The following CAMK2B variants were observed in gnomAD, a reference collection of about 807,000 sequenced individuals.
The protein encoded by CAMK2B is calcium/calmodulin-dependent protein kinase type II subunit beta.
A neutral mutation model predicts 93.7 loss-of-function variants in CAMK2B; 27 were observed. The observed-to-expected ratio is 0.29, with a 90% CI of 0.21 to 0.40. The LOEUF (loss-of-function observed/expected upper bound fraction) is 0.40. CAMK2B is among the 10% of genes least tolerant of loss of function. The probability of loss-of-function intolerance (pLI) is 1.00; values close to 1 mark genes in which losing one functional copy is unlikely to be tolerated. For synonymous variants in CAMK2B, 374 were observed against 358.8 expected (o/e 1.04, Z -0.48); for missense variants, 568 against 895.8 (o/e 0.63, Z 4.67).
At chr7:44,324,256 TCGCCAGCAC>T (rs1796894465) in intron 1 of CAMK2B, among the ~76,000 whole-genome samples, 1 of 152,240 alleles carries the variant, frequency 6.6e-6, no homozygotes, top group Non-Finnish European at 1.5e-5. Flanking sequence ...AGAGGAAATC[TCGCCAGCAC>T]CGCCAGCGCC....
At chr7:44,222,110 C>T (rs937359306) in intron 20 of CAMK2B, among the ~76,000 whole-genome samples, 1 of 152,184 alleles carries the variant, frequency 6.6e-6, no homozygotes, top group Non-Finnish European at 1.5e-5. Context: ...TGCACACGCA[C>T]GCTCACCTAT....
Position 44,312,370 on chromosome 7 carries a change from G to A in CAMK2B, c.65+12987C>T, listed in dbSNP as rs754497321. On this transcript the variant is annotated intron_variant, in intron 1 of 23. Transcript: ENST00000395749. The surrounding 1 kb of genome is among the most constrained non-coding windows in gnomAD (Gnocchi z 4.1). ...CTCAGGGGCTGCAAAGCCCCAGAAC[G>A]GCCTTCAGAGCTAGGGACAAGCCAC... 6.6e-6 allele frequency among the ~76,000 whole-genome samples: 1 copy of A among 152,220 alleles called. No individual in the cohort carries two copies.
chr7:44,278,267 G>T (rs1336847550), intron 2 of CAMK2B, among the ~76,000 whole-genome samples: 3 of 152,202 alleles, frequency 2.0e-5, no homozygotes, highest in African/African-American at 7.2e-5. Context: ...GACGCAGAGG[G>T]TCTGGCCAGG....
chr7:44,277,606 C>T (rs912112705), intron 2 of CAMK2B, among the ~76,000 whole-genome samples: 2 of 152,174 alleles, frequency 1.3e-5, no homozygotes, highest in African/African-American at 4.8e-5. Context: ...AAGGAGTGAG[C>T]GAGGCCCCTC....
rs1326405536 is a variant in CAMK2B at position 44,232,812 on chromosome 7, G to A, written c.1176+10C>T. The A allele has an allele frequency of 1.9e-6, 3 of 1,613,706 alleles. No individual in the cohort carries two copies. The African/African-American group carries it at 4.0e-5, about 22-fold the overall frequency. On this transcript the variant is annotated intron_variant, in intron 16 of 23. Coordinates refer to ENST00000395749, the MANE Select transcript of CAMK2B (RefSeq NM_001220.5). Reference sequence around the variant, plus strand: ...CTGGGGAAAGCGGGAGGAGGAAAGTGGGGCAGTACCTTAATCCCGTCCACT... The same window carrying A: ...CTGGGGAAAGCGGGAGGAGGAAAGTAGGGCAGTACCTTAATCCCGTCCACT...
intron 2 of CAMK2B, among the ~76,000 whole-genome samples, chr7:44,266,381 C>T (rs187813931): frequency 2.6e-5 from 4 of 152,322 alleles, no homozygotes; most frequent in African/African-American, 9.6e-5. Context: ...CACATTAACA[C>T]CGTAAACCCC....
rs149059759 is a variant in CAMK2B, at chr7:44,289,513, G to A, written c.66-5288C>T. 5.9e-5 allele frequency among the ~76,000 whole-genome samples: 9 copies of A among 152,308 alleles called. No individual in the cohort carries two copies. In the East Asian group the frequency reaches 7.7e-4, roughly 13 times the overall value. On this transcript the variant is annotated intron_variant, in intron 1 of 23. Transcript: ENST00000395749. ...TAAGACACTTGGTAACGACACCAGG[G>A]AGGGAAGGTCGGACCCTGCGTCCCC...
chr7:44,262,423 C>T (rs1167531732), intron 3 of CAMK2B, among the ~76,000 whole-genome samples: 1 of 152,240 alleles, frequency 6.6e-6, no homozygotes, highest in Admixed American at 6.5e-5. Flanking sequence ...TCACCTGACC[C>T]CAGACTGTAG....
chr7:44,244,795 G>A, intron 6 of CAMK2B: 1 of 342,546 alleles, frequency 2.9e-6, no homozygotes, highest in Non-Finnish European at 5.9e-6. Flanking sequence ...TTCCTCGAAA[G>A]CTCCAGCCAC....
At chr7:44,250,771 G>A (rs903053445) in intron 5 of CAMK2B, among the ~76,000 whole-genome samples, 5 of 152,242 alleles carry the variant, frequency 3.3e-5, no homozygotes, top group Middle Eastern at 3.4e-3. Flanking sequence ...CTTGTGATCC[G>A]CCCGCCTCGG....
intron 18 of CAMK2B, 107 bp from the exon 19 acceptor site, chr7:44,229,031 C>T (rs896767653): frequency 5.5e-6 from 6 of 1,085,612 alleles, no homozygotes; most frequent in African/African-American, 1.5e-5. Context: ...ACCCCTTGGG[C>T]CCTGGGATCA....
In CAMK2B at chr7:44,220,139, C is replaced by A. The variant is rs994631293; in HGVS notation, c.1924G>T (p.Val642Leu). The part of the protein sequence containing the change: ...PRTSQSEETR[V>L]WHRRDGKWQN... ...CACTTGCCGTCGCGGCGGTGCCACACGCGGGTCTCCTCAGACTGGCTGGTG... is the reference window on the plus strand; with the variant it reads ...CACTTGCCGTCGCGGCGGTGCCACAAGCGGGTCTCCTCAGACTGGCTGGTG... Residue 642 changes from valine (V) to leucine (L), a missense_variant, in exon 23 of 24, where the codon GTG becomes TTG. By Grantham distance (32) the Val-to-Leu change is conservative. Around this residue, in one of 4 missense-constraint regions of CAMK2B, gnomAD observed 116 missense variants for 188.0 expected, o/e 0.62. Transcript: ENST00000395749. 2 of 1,612,340 alleles carry A rather than the reference C, an allele frequency of 1.2e-6. No individual in the cohort carries two copies. Among genetic ancestry groups the A allele is most frequent in the Non-Finnish European group, 1.7e-6 (2 of 1,179,848 alleles).
rs965691755 is a variant in CAMK2B, at chr7:44,219,053, G to T, written c.*472C>A. On this transcript the variant is annotated 3_prime_UTR_variant, in exon 24 of 24. Transcript: ENST00000395749. Reference sequence around the variant, plus strand: ...TCACGACAGCCAGCGAGCACACCACGTGGAGCCCATGCGTTGGCAGGAGGA... The same window carrying T: ...TCACGACAGCCAGCGAGCACACCACTTGGAGCCCATGCGTTGGCAGGAGGA... 1 of 152,372 alleles carries T rather than the reference G, an allele frequency of 6.6e-6. No homozygotes were observed. The highest frequency in any genetic ancestry group is 2.4e-5 in the African/African-American group (1 of 41,462). The allele number at this position is 152,372 out of a possible 1,614,324, so 9.4% of individuals were successfully genotyped here. A position where few individuals can be genotyped will look rare whatever the true frequency, so the allele number is the denominator to read the frequency against.
chr7:44,261,175 T>C (rs954581975), intron 3 of CAMK2B, among the ~76,000 whole-genome samples: 1 of 152,234 alleles, frequency 6.6e-6, no homozygotes, highest in Non-Finnish European at 1.5e-5. Context: ...TTCTAGGACT[T>C]GCCTGTGAAA....
chr7:44,262,968 G>A (rs777236522), intron 3 of CAMK2B, 37 bp downstream of exon 3: 1 of 1,579,150 alleles, frequency 6.3e-7, no homozygotes, highest in Non-Finnish European at 8.7e-7. Flanking sequence ...GGGAGAAGGT[G>A]GGGACCCATC....
chr7:44,223,360 C>T (rs1202043671), intron 20 of CAMK2B, among the ~76,000 whole-genome samples: 1 of 152,140 alleles, frequency 6.6e-6, no homozygotes, highest in African/African-American at 2.4e-5. Context: ...CTACACAAGC[C>T]CAGTTCCCAC....
intron 1 of CAMK2B, among the ~76,000 whole-genome samples, chr7:44,287,281 G>A (rs1785401144): frequency 6.6e-6 from 1 of 152,058 alleles, no homozygotes; most frequent in African/African-American, 2.4e-5. Context: ...TCTCTCCTCT[G>A]GGGGACTTAA....
At chr7:44,229,038 A>C in intron 18 of CAMK2B, 114 bp from the exon 19 acceptor site, 2 of 1,014,222 alleles carry the variant, frequency 2.0e-6, no homozygotes, top group Non-Finnish European at 3.1e-6. Flanking sequence ...GGGCCCTGGG[A>C]TCAGGCCCTG....
At chr7:44,300,008 A>ATGTGTGTG (rs931901667) in intron 1 of CAMK2B, among the ~76,000 whole-genome samples, 3 of 118,952 alleles carry the variant, frequency 2.5e-5, no homozygotes, top group Non-Finnish European at 5.5e-5. Flanking sequence ...ATGTATGTAT[A>ATGTGTGTG]TGTGTATGTG....
Sources: gnomAD v4.1 joint callset for allele counts (sites outside exome capture counted in the v4.1 genomes callset) on GRCh38, gnomAD v4.1.1 for gene constraint, gnomAD v4.1.1 regional missense constraint, Gnocchi (gnomAD v3.1) non-coding constraint, MANE v1.5 for transcripts, NCBI Gene and HGNC (gene_info 2026-07-23, HGNC 2026-07-21) for gene names.